SYNPR: variants seen among roughly 807,000 people sequenced by gnomAD.
The protein encoded by SYNPR is synaptoporin.
SYNPR carries 23 observed loss-of-function variants against 32.9 expected under a neutral mutation model. The observed-to-expected ratio is 0.70, with a 90% CI of 0.50 to 0.99. The LOEUF (loss-of-function observed/expected upper bound fraction) is 0.99, where lower values mean the gene tolerates loss of function less well. Among genes scored for constraint, SYNPR ranks in the 50% least tolerant of loss-of-function variants. The probability of loss-of-function intolerance (pLI) is 0.00; values close to 1 mark genes in which losing one functional copy is unlikely to be tolerated. For synonymous variants in SYNPR, 146 were observed against 135.9 expected (o/e 1.07, Z -0.52); for missense variants, 318 against 349.3 (o/e 0.91, Z 0.71).
In SYNPR at chr3:63,332,448, T is replaced by A. The variant is rs1035752772; in HGVS notation, c.84+53706T>A. 2.0e-5 allele frequency among the ~76,000 whole-genome samples: 3 copies of A among 152,204 alleles called. No homozygotes were observed. The East Asian group carries it at 5.8e-4, about 29-fold the overall frequency. ...TAAGTTCCATGAGGGCCAAAATATA[T>A]CTGCCCTATCTGCCCTTTCTCCTAT... On this transcript the variant is annotated intron_variant, in intron 2 of 5. Coordinates refer to ENST00000478300, the MANE Select transcript of SYNPR (RefSeq NM_001130003.2).
intron 4 of SYNPR, among the ~76,000 whole-genome samples, chr3:63,557,334 T>C (rs1219134754): frequency 1.3e-5 from 2 of 152,214 alleles, no homozygotes; most frequent in Non-Finnish European, 2.9e-5. Context: ...ACCCTTTACA[T>C]GTGCATTTGC....
chr3:63,565,225 G>T (rs796304221), intron 4 of SYNPR, among the ~76,000 whole-genome samples: 48 of 152,122 alleles, frequency 3.2e-4, no homozygotes, highest in African/African-American at 1.2e-3. Flanking sequence ...GAGGAGGGAG[G>T]TGACAATTTT....
chr3:63,440,673 G>A (rs188284724), intron 2 of SYNPR, among the ~76,000 whole-genome samples: 1 of 152,170 alleles, frequency 6.6e-6, no homozygotes, highest in Non-Finnish European at 1.5e-5. Context: ...TTTAGTGAAA[G>A]TTGACCCAGA....
intron 4 of SYNPR, among the ~76,000 whole-genome samples, chr3:63,571,429 C>A (rs935582152): frequency 1.3e-5 from 2 of 152,118 alleles, no homozygotes; most frequent in East Asian, 3.9e-4. Flanking sequence ...TCCAAAACAT[C>A]CTTTCAGTCA....
chr3:63,204,776 T>C, the SYNPR span, among the ~76,000 whole-genome samples: 2 of 152,036 alleles, frequency 1.3e-5, no homozygotes, highest in Non-Finnish European at 2.9e-5. Context: ...CTCCACCTCC[T>C]AGGTTCAACT....
In SYNPR at chr3:63,408,277, GAGGAAGGAAGGA is replaced by G. The variant is rs71126602; in HGVS notation, c.85-72521_85-72510del. ...AGAAAGAAAGAAAGAAAGAAAGAAA[GAGGAAGGAAGGA>G]AGGAAGGAAGGAAGGAAGGAAGGAA... is the stretch of plus-strand genomic sequence containing the variant. On this transcript the variant is annotated intron_variant, in intron 2 of 5. Coordinates refer to ENST00000478300, the MANE Select transcript of SYNPR (RefSeq NM_001130003.2). 3.3e-4 allele frequency among the ~76,000 whole-genome samples: 15 copies of G among 45,642 alleles called. 3 individuals are homozygous for G. Among genetic ancestry groups the G allele is most frequent in the African/African-American group, 1.1e-3 (9 of 8,452 alleles). 29.9% of individuals were successfully genotyped at this position (45,642 alleles called of 152,430 possible).
chr3:63,367,639 T>G (rs2087743656), intron 2 of SYNPR, among the ~76,000 whole-genome samples: 1 of 152,144 alleles, frequency 6.6e-6, no homozygotes, highest in Non-Finnish European at 1.5e-5. Flanking sequence ...GGATTACAGG[T>G]GTGAGCTATT....
At chr3:63,537,894 A>G (rs1347332533) in intron 3 of SYNPR, among the ~76,000 whole-genome samples, 2 of 152,116 alleles carry the variant, frequency 1.3e-5, no homozygotes, top group Non-Finnish European at 1.5e-5. Flanking sequence ...ACAACTAACC[A>G]TCTAGATTAC....
intron 3 of SYNPR, among the ~76,000 whole-genome samples, chr3:63,518,931 G>T (rs186171580): frequency 1.3e-5 from 2 of 152,134 alleles, no homozygotes; most frequent in African/African-American, 4.8e-5. Context: ...CAACATAAAC[G>T]TCCTTCAATA....
chr3:63,335,766 C>CTTTTTTTTTTTTTTTT lies in SYNPR; in HGVS notation c.84+57033_84+57048dup, dbSNP rs3082128. 1.4e-4 allele frequency among the ~76,000 whole-genome samples: 13 copies of CTTTTTTTTTTTTTTTT among 91,470 alleles called. 1 individual carries two copies. Among genetic ancestry groups the CTTTTTTTTTTTTTTTT allele is most frequent in the Non-Finnish European group, 1.5e-4 (7 of 47,240 alleles). 60.0% of individuals were successfully genotyped at this position (91,470 alleles called of 152,430 possible). On this transcript the variant is annotated intron_variant, in intron 2 of 5. Coordinates refer to ENST00000478300, the MANE Select transcript of SYNPR (RefSeq NM_001130003.2). The stretch of plus-strand genomic sequence containing the variant: ...ACACACTCAAGTCCATATTAGCTTC[C>CTTTTTTTTTTTTTTTT]TTTTTTTTTTTTTTTTTTTTTTTTG...
At chr3:63,567,910 A>T (rs932834869) in intron 4 of SYNPR, among the ~76,000 whole-genome samples, 10 of 152,226 alleles carry the variant, frequency 6.6e-5, no homozygotes, top group African/African-American at 2.4e-4. Context: ...TAATCAATTT[A>T]TATGCTATCT....
At chr3:63,515,437 T>C (rs146030316) in intron 3 of SYNPR, among the ~76,000 whole-genome samples, 3 of 152,246 alleles carry the variant, frequency 2.0e-5, no homozygotes, top group African/African-American at 7.2e-5. Context: ...TCATAATTAT[T>C]ATCTTGAAGC....
At chr3:63,534,898 A>C (rs1455278347) in intron 3 of SYNPR, among the ~76,000 whole-genome samples, 1 of 152,118 alleles carries the variant, frequency 6.6e-6, no homozygotes, top group Non-Finnish European at 1.5e-5. Flanking sequence ...TAATCTATTC[A>C]TAAGGAATCC....
intron 3 of SYNPR, among the ~76,000 whole-genome samples, chr3:63,516,573 A>G (rs1701805106): frequency 1.3e-5 from 2 of 152,292 alleles, no homozygotes; most frequent in South Asian, 4.1e-4. Flanking sequence ...CTTGTAAGAC[A>G]AATGAAGTCT....
intron 2 of SYNPR, among the ~76,000 whole-genome samples, chr3:63,431,684 A>C (rs1248564716): frequency 6.6e-6 from 1 of 152,144 alleles, no homozygotes; most frequent in African/African-American, 2.4e-5. Flanking sequence ...AGGAAAGAAA[A>C]AGAAAGTGTG....
chr3:63,532,076 T>C (rs532961524), intron 3 of SYNPR, among the ~76,000 whole-genome samples: 66 of 152,338 alleles, frequency 4.3e-4, no homozygotes, highest in Admixed American at 9.2e-4. Context: ...CTTCCATTCT[T>C]TCCCTTTGTT....
chr3:63,555,231 A>G (rs1336797703), intron 3 of SYNPR, among the ~76,000 whole-genome samples: 1 of 124,874 alleles, frequency 8.0e-6, no homozygotes, highest in Non-Finnish European at 1.9e-5. Context: ...TCTGGCTAGG[A>G]CATCTAACAG....
intron 3 of SYNPR, among the ~76,000 whole-genome samples, chr3:63,545,131 A>G (rs141048403): frequency 2.5e-4 from 38 of 152,158 alleles, no homozygotes; most frequent in African/African-American, 7.0e-4. Context: ...TGGGACTGAT[A>G]CTTGAATATT....
chr3:63,388,556 T>TTGTGTGTGTGTGTGTGTG (rs749669898), intron 2 of SYNPR, among the ~76,000 whole-genome samples: 60 of 128,084 alleles, frequency 4.7e-4, no homozygotes, highest in African/African-American at 1.1e-3. Flanking sequence ...CCCGGCTAAT[T>TTGTGTGTGTGTGTGTGTG]TGTGTGTGTG....
Sources: gnomAD v4.1 joint callset for allele counts (sites outside exome capture counted in the v4.1 genomes callset) on GRCh38, gnomAD v4.1.1 for gene constraint, MANE v1.5 for transcripts, NCBI Gene and HGNC (gene_info 2026-07-23, HGNC 2026-07-21) for gene names.